SIDT2: variants seen among roughly 807,000 people sequenced by gnomAD.
SIDT2 encodes SID1 transmembrane family member 2.
A neutral mutation model predicts 114.4 loss-of-function variants in SIDT2; 68 were observed. The ratio of observed to expected loss-of-function variants is 0.59; its 90% CI spans 0.49 to 0.73. The LOEUF is 0.73. SIDT2 is among the 30% of genes least tolerant of loss of function. The pLI is 0.00. For missense variants in SIDT2, 918 were observed against 1,097.1 expected, an observed-to-expected ratio of 0.84 and a Z score of 2.31; for synonymous variants, 470 against 438.4, an observed-to-expected ratio of 1.07 and a Z score of -0.90.
chr11:117,189,136 C>G (rs756838178), intron 13 of SIDT2, 33 bp from the exon 14 acceptor site: 1 of 1,607,772 alleles, frequency 6.2e-7, no homozygotes, highest in South Asian at 1.1e-5. Context: ...TCCCAAGTAG[C>G]AGTAAGTGGG....
At chr11:117,194,664 C>T (rs1293987821) in intron 24 of SIDT2, among the ~76,000 whole-genome samples, 1 of 152,138 alleles carries the variant, frequency 6.6e-6, no homozygotes, top group African/African-American at 2.4e-5. Flanking sequence ...GTGCTGTTTA[C>T]GATGTGATAC....
chr11:117,188,437 C>T lies in SIDT2; in HGVS notation c.1160-271C>T. On this transcript the variant is annotated intron_variant, in intron 12 of 25. Coordinates refer to ENST00000324225, the MANE Select transcript of SIDT2 (RefSeq NM_001040455.2). The surrounding 1 kb of genome is among the most constrained non-coding windows in gnomAD (Gnocchi z 4.0). The stretch of plus-strand genomic sequence containing the variant: ...TGCCTTGTGTCCTGGCCTGGGAAGC[C>T]CTAGCCCATGAGGGGTGCCAGGAAC... 1 of 512,320 alleles carries T rather than the reference C, an allele frequency of 2.0e-6. No individual in the cohort carries two copies. Among genetic ancestry groups the T allele is most frequent in the Middle Eastern group, 5.3e-4 (1 of 1,888 alleles). The allele number at this position is 512,320 out of a possible 1,614,324, so 31.7% of individuals were successfully genotyped here.
At chr11:117,180,337 T>C (rs1012973566) in intron 1 of SIDT2, among the ~76,000 whole-genome samples, 3 of 152,164 alleles carry the variant, frequency 2.0e-5, no homozygotes, top group African/African-American at 4.8e-5. Context: ...CTTAGAGTCC[T>C]TTCTTCCTTT....
rs149603462 is a variant in SIDT2, at chr11:117,190,273, A to G, written c.1601A>G (p.Asn534Ser). The change falls in exon 17 of 26, where the codon AAT becomes AGT. Residue 534 changes from asparagine (N) to serine (S), a missense_variant. Around this residue, in one of 4 missense-constraint regions of SIDT2, gnomAD observed 72 missense variants for 59.9 expected, o/e 1.20. Transcript: ENST00000324225. The surrounding 1 kb of genome is among the most constrained non-coding windows in gnomAD (Gnocchi z 4.1). ...AACCACAACCGGGCCCTGCTGCGCA[A>G]TGACCTCTGTGCCCTGGTAAGGGAG... The part of the protein sequence containing the change: ...EINHNRALLR[N>S]DLCALECGIP... The G allele has an allele frequency of 3.0e-4, 460 of 1,552,202 alleles. No homozygotes were observed. Among genetic ancestry groups the G allele is most frequent in the Non-Finnish European group, 3.6e-4 (413 of 1,150,372 alleles).
intron 5 of SIDT2, 24 bp downstream of exon 5, chr11:117,182,644 T>C (rs376021085): frequency 5.6e-6 from 9 of 1,614,008 alleles, no homozygotes; most frequent in Non-Finnish European, 6.8e-6. Context: ...CCTTTTGCTC[T>C]TCCCCAGCAG....
Position 117,181,891 on chromosome 11 carries a change from C to T in SIDT2, c.390C>T (p.Phe130=), listed in dbSNP as rs146743024. The T allele has an allele frequency of 1.2e-6, 2 of 1,614,234 alleles. No homozygotes were observed. Among genetic ancestry groups the T allele is most frequent in the Admixed American group, 3.3e-5 (2 of 60,032 alleles). ...AGAATGAGTCGGAGATTCAGTTCTT[C>T]TACGTGGATGTGTCCACCCTGTCAC... ...PTKNESEIQF[F]YVDVSTLSPV... Residue 130 remains phenylalanine (F), a synonymous_variant, in exon 3 of 26, where the codon TTC becomes TTT. Transcript: ENST00000324225.
rs546626086 is a variant in SIDT2 at position 117,193,857 on chromosome 11, G to A, written c.2216G>A (p.Arg739Gln). The change falls in exon 24 of 26, where the codon CGG (arginine) becomes CAG (glutamine). Residue 739 changes from arginine (R) to glutamine (Q), a missense_variant. Physicochemically the swap from Arg to Gln is conservative, Grantham distance 43 (BLOSUM62 1). Coordinates refer to ENST00000324225, the MANE Select transcript of SIDT2 (RefSeq NM_001040455.2). ...YFAFYIIMKL[R>Q]SGERIKLIPL... ...TCCCTGCCTGGCCCCTCCCAGCTCC[G>A]GAGTGGGGAGAGGATCAAGCTCATC... 6.2e-6 allele frequency: 10 copies of A among 1,613,700 alleles called. No individual in the cohort carries two copies. Among genetic ancestry groups the A allele is most frequent in the African/African-American group, 2.7e-5 (2 of 75,040 alleles).
At chr11:117,186,461 A>G in intron 9 of SIDT2, 123 bp from the exon 10 acceptor site, 1 of 1,066,978 alleles carries the variant, frequency 9.4e-7, no homozygotes, top group Non-Finnish European at 1.4e-6. Flanking sequence ...ACCCTGGGAC[A>G]AAGGGTGGAG....
intron 1 of SIDT2, among the ~76,000 whole-genome samples, chr11:117,180,767 C>T (rs1407906749): frequency 6.6e-6 from 1 of 152,198 alleles, no homozygotes; most frequent in East Asian, 1.9e-4. Flanking sequence ...AACTCCTGAC[C>T]TCAGATGATC....
At position 117,179,157 on chromosome 11, in the gene SIDT2, G is replaced by A; in HGVS notation, c.-107G>A. The A allele has an allele frequency of 1.9e-6, 2 of 1,059,564 alleles. No homozygotes were observed. Among genetic ancestry groups the A allele is most frequent in the South Asian group, 1.5e-5 (1 of 67,322 alleles). 65.6% of individuals were successfully genotyped at this position (1,059,564 alleles called of 1,614,324 possible). Reference sequence around the variant, plus strand: ...CCGGGGTTAAAGTTCTGGTCCTGGTGAGATGCTGGAAGCTGCGGCCGCAGC... The same window carrying A: ...CCGGGGTTAAAGTTCTGGTCCTGGTAAGATGCTGGAAGCTGCGGCCGCAGC... On this transcript the variant is annotated 5_prime_UTR_variant, in exon 1 of 26. Coordinates refer to ENST00000324225, the MANE Select transcript of SIDT2 (RefSeq NM_001040455.2).
chr11:117,179,951 G>A (rs1440504957), intron 1 of SIDT2: 1 of 152,480 alleles, frequency 6.6e-6, no homozygotes, highest in Non-Finnish European at 1.5e-5. Context: ...TAAATTGAGG[G>A]TGACAGAGGT....
In SIDT2 at chr11:117,186,194, C is replaced by G. The variant is rs752474544; in HGVS notation, c.933C>G (p.Thr311=). ...TATTTCTCTCCTTTTACCTGCTGAC[C>G]GTCCTCCTGGCCTGCTGGGAGAACT... ...LGIFLSFYLL[T]VLLACWENWR... Residue 311 remains threonine, a synonymous_variant, in exon 9 of 26, where the codon ACC becomes ACG. Transcript: ENST00000324225. The G allele has an allele frequency of 2.5e-6, 4 of 1,614,042 alleles. No individual in the cohort carries two copies. The highest frequency in any genetic ancestry group is 1.1e-5 in the South Asian group (1 of 91,076).
Position 117,179,387 on chromosome 11 carries a change from G to A in SIDT2, c.124G>A (p.Glu42Lys). The change falls in exon 1 of 26, where the codon GAG becomes AAG. Residue 42 changes from glutamate (E) to lysine (K), a missense_variant. Physicochemically the swap from Glu to Lys is moderately conservative, Grantham distance 56 (BLOSUM62 1). This residue lies in a region of SIDT2 where 553 missense variants were observed against 600.1 expected (regional missense o/e 0.92). Coordinates refer to ENST00000324225, the MANE Select transcript of SIDT2 (RefSeq NM_001040455.2). ...CGAGTTTGAGCGCACCTACGTGGAC[G>A]AGGTCAACAGCGAGCTGGTCAACAT... Reference protein sequence around the residue: ...DAEFERTYVDEVNSELVNIYT... With the variant: ...DAEFERTYVDKVNSELVNIYT... The A allele has an allele frequency of 6.2e-7, 1 of 1,613,744 alleles. No homozygotes were observed. The highest frequency in any genetic ancestry group is 2.2e-5 in the East Asian group (1 of 44,844).
intron 4 of SIDT2, 24 bp from the exon 5 acceptor site, chr11:117,182,494 TC>T: frequency 6.3e-7 from 1 of 1,598,360 alleles, no homozygotes; most frequent in East Asian, 2.2e-5. Flanking sequence ...GAGATGGGGC[TC>T]TCCCTTCCTT....
chr11:117,187,568 C>G lies in SIDT2; in HGVS notation c.1088-60C>G. 2.5e-6 allele frequency: 4 copies of G among 1,599,516 alleles called. No homozygotes were observed. The South Asian group carries it at 4.4e-5, about 18-fold the overall frequency. On this transcript the variant is annotated intron_variant, in intron 11 of 25. Coordinates refer to ENST00000324225, the MANE Select transcript of SIDT2 (RefSeq NM_001040455.2). ...CCAGCCCCCACACCCTCTGCAGATG[C>G]TCAGAGCCCCTTTCCCTGCGGCCTC...
intron 9 of SIDT2, 49 bp from the exon 10 acceptor site, chr11:117,186,535 G>C (rs1014030086): frequency 6.6e-7 from 1 of 1,511,086 alleles, no homozygotes; most frequent in Non-Finnish European, 8.9e-7. Context: ...CATACAGAGT[G>C]ATCCTTGTCC....
rs1591771892 is a variant in SIDT2, at chr11:117,192,769, A to C, written c.2059-51A>C. On this transcript the variant is annotated intron_variant, in intron 21 of 25. Coordinates refer to ENST00000324225, the MANE Select transcript of SIDT2 (RefSeq NM_001040455.2). This position sits in a 1 kb window ranked among gnomAD's most constrained non-coding sequence, Gnocchi z 5.9. ...GGACCAGCTGGCTGGGCCTTCTTCC[A>C]CCACCCTCCCTGCCCCTGCCCTCAG... is the stretch of plus-strand genomic sequence containing the variant. 1 of 1,612,824 alleles carries C rather than the reference A, an allele frequency of 6.2e-7. No individual in the cohort carries two copies. The highest frequency in any genetic ancestry group is 1.3e-5 in the African/African-American group (1 of 74,748).
rs1365921171 is a variant in SIDT2, at chr11:117,181,320, A to C, written c.184-96A>C. On this transcript the variant is annotated intron_variant, in intron 1 of 25. Coordinates refer to ENST00000324225, the MANE Select transcript of SIDT2 (RefSeq NM_001040455.2). ...GCCCGACCAAGATGGAGAAAGACCA[A>C]AGTAGCTGGCATGAAGGAGGGCAGG... 6.4e-6 allele frequency: 10 copies of C among 1,558,416 alleles called. No individual in the cohort carries two copies. The Admixed American group carries it at 1.8e-4, about 28-fold the overall frequency.
At position 117,192,090 on chromosome 11, in the gene SIDT2, C is replaced by G; in HGVS notation, c.1872+76C>G. ...TGCGTTCAGACACGTAGTGCACACCCTCCGCCACCTCCTGCATGAGAGATT... is the reference window on the plus strand; with the variant it reads ...TGCGTTCAGACACGTAGTGCACACCGTCCGCCACCTCCTGCATGAGAGATT... On this transcript the variant is annotated intron_variant, in intron 19 of 25. Transcript: ENST00000324225. The surrounding 1 kb of genome is among the most constrained non-coding windows in gnomAD (Gnocchi z 5.9). 1 of 1,591,314 alleles carries G rather than the reference C, an allele frequency of 6.3e-7. No homozygotes were observed.
Sources: allele counts gnomAD v4.1 joint callset (sites outside exome capture counted in the v4.1 genomes callset), GRCh38; gene constraint gnomAD v4.1.1; regional missense constraint gnomAD v4.1.1; non-coding constraint Gnocchi (gnomAD v3.1); transcripts MANE v1.5; gene names NCBI Gene and HGNC (gene_info 2026-07-23, HGNC 2026-07-21).